The following KLRG1 variants were observed in gnomAD, a reference collection of about 807,000 sequenced individuals.
The protein encoded by KLRG1 is killer cell lectin like receptor G1, also known as killer cell lectin-like receptor subfamily G member 1.
A neutral mutation model predicts 21.8 loss-of-function variants in KLRG1; 16 were observed. The observed-to-expected ratio is 0.73, with a 90% CI of 0.50 to 1.11. The LOEUF is 1.11. Ranked by LOEUF, KLRG1 falls within the 50% of genes most tolerant of loss-of-function variation. The probability of loss-of-function intolerance (pLI) is 0.00; values close to 1 mark genes in which losing one functional copy is unlikely to be tolerated. For missense variants in KLRG1, 173 were observed against 218.3 expected (o/e 0.79, Z 1.31); for synonymous variants, 69 against 75.9 (o/e 0.91, Z 0.47).
At chr12:9,200,520 T>A in the KLRG1 span, 72 of 1,223,334 alleles carry the variant, frequency 5.9e-5, no homozygotes, top group Non-Finnish European at 8.0e-5. Flanking sequence ...TTTCAGTATG[T>A]CTATAATTTT....
intron 3 of KLRG1, among the ~76,000 whole-genome samples, chr12:9,008,074 A>G (rs192378123): frequency 1.4e-3 from 212 of 152,314 alleles, no homozygotes; most frequent in African/African-American, 4.7e-3. Flanking sequence ...TGGTGTAGCC[A>G]ATTTACCTTT....
the KLRG1 span, among the ~76,000 whole-genome samples, chr12:9,138,965 T>G: frequency 6.6e-6 from 1 of 152,032 alleles, no homozygotes; most frequent in Non-Finnish European, 1.5e-5. Flanking sequence ...TTTCTTTCTC[T>G]GCTAATTTTG....
rs887047347 is a variant in KLRG1 at position 8,980,495 on chromosome 12, C to T, written c.-155-11711C>T. On this transcript the variant is annotated intron_variant, in intron 1 of 4. Transcript: ENST00000539240. The stretch of plus-strand genomic sequence containing the variant: ...TTATAGGCTTGCAGTGGTGTCAATG[C>T]GTTTGAAACAGCAGTCACCTCTTAC... Among the ~76,000 whole-genome samples the T allele has an allele frequency of 6.6e-5, 10 of 152,220 alleles. No individual in the cohort carries two copies. In the East Asian group the frequency reaches 1.5e-3, roughly 24 times the overall value.
At chr12:9,190,681 C>G in the KLRG1 span, among the ~76,000 whole-genome samples, 1 of 151,898 alleles carries the variant, frequency 6.6e-6, no homozygotes, top group Non-Finnish European at 1.5e-5. Context: ...GAACATGAAC[C>G]CTTCAAACCT....
chr12:9,140,263 TA>T, the KLRG1 span, among the ~76,000 whole-genome samples: 99 of 152,186 alleles, frequency 6.5e-4, no homozygotes, highest in Non-Finnish European at 7.9e-4. Flanking sequence ...GGCATAGTAG[TA>T]GGGGGGGGCC....
the KLRG1 span, chr12:9,093,467 T>C: frequency 1.2e-6 from 2 of 1,612,224 alleles, no homozygotes; most frequent in Non-Finnish European, 8.5e-7. Context: ...TTACTTACTT[T>C]ACCACCACCA....
chr12:8,980,772 G>A (rs996808281), intron 1 of KLRG1, among the ~76,000 whole-genome samples: 6 of 152,168 alleles, frequency 3.9e-5, no homozygotes, highest in African/African-American at 1.4e-4. Flanking sequence ...TCCATCGGCT[G>A]GTGTCAGCAT....
chr12:9,209,094 G>C, the KLRG1 span, among the ~76,000 whole-genome samples: 1 of 151,438 alleles, frequency 6.6e-6, no homozygotes, highest in Non-Finnish European at 1.5e-5. Context: ...GTGCTATTCT[G>C]GTGATGAAAA....
the KLRG1 span, among the ~76,000 whole-genome samples, chr12:9,117,938 C>T: frequency 6.6e-6 from 1 of 151,772 alleles, no homozygotes; most frequent in Admixed American, 6.6e-5. Context: ...TTTATACTTA[C>T]AACATAGATC....
At chr12:9,065,988 A>G in the KLRG1 span, 2 of 152,310 alleles carry the variant, frequency 1.3e-5, no homozygotes, top group South Asian at 4.1e-4. Flanking sequence ...TTCTGCTAGA[A>G]GCTGAACACT....
At position 9,008,604 on chromosome 12, in the gene KLRG1, A is replaced by T. The variant is rs760653803; in HGVS notation, c.358-371A>T. 4.3e-3 allele frequency among the ~76,000 whole-genome samples: 659 copies of T among 152,238 alleles called. 4 individuals are homozygous for T. Among genetic ancestry groups the T allele is most frequent in the African/African-American group, 0.015 (621 of 41,552 alleles). ...CAAGGTTCTCTGGCTCCTGGTGAGG[A>T]CCTACTTCTGGCTTGCACATGGCTG... On this transcript the variant is annotated intron_variant, in intron 3 of 4. Transcript: ENST00000356986.
chr12:9,120,052 G>T, the KLRG1 span, among the ~76,000 whole-genome samples: 7 of 152,118 alleles, frequency 4.6e-5, no homozygotes, highest in East Asian at 1.3e-3. Context: ...CACCTTAATG[G>T]GGTAGTTTCA....
intron 1 of KLRG1, among the ~76,000 whole-genome samples, chr12:8,969,832 G>C (rs1946538228): frequency 6.6e-6 from 1 of 152,142 alleles, no homozygotes; most frequent in Admixed American, 6.5e-5. Flanking sequence ...GCATACTAAG[G>C]GCTGGGCATG....
chr12:9,086,345 C>A, the KLRG1 span, among the ~76,000 whole-genome samples: 1 of 152,142 alleles, frequency 6.6e-6, no homozygotes, highest in African/African-American at 2.4e-5. Context: ...CTGGGGAACA[C>A]AGCAAAAGCT....
intron 1 of KLRG1, among the ~76,000 whole-genome samples, chr12:8,956,562 C>T (rs766405679): frequency 3.9e-5 from 6 of 152,294 alleles, no homozygotes; most frequent in Non-Finnish European, 5.9e-5. Flanking sequence ...TCTCCTGCCT[C>T]AGCCTCCTGA....
At chr12:8,992,374 C>G in intron 2 of KLRG1, 64 bp downstream of exon 2, 1 of 1,180,854 alleles carries the variant, frequency 8.5e-7, no homozygotes. Context: ...TATAACATAG[C>G]AGAAGCTTTG....
the KLRG1 span, among the ~76,000 whole-genome samples, chr12:9,043,416 G>C: frequency 6.6e-6 from 1 of 152,258 alleles, no homozygotes; most frequent in African/African-American, 2.4e-5. Context: ...TTCGGGTTGA[G>C]ATATCTTGTC....
At chr12:9,128,010 G>C in the KLRG1 span, 1 of 272,758 alleles carries the variant, frequency 3.7e-6, no homozygotes, top group Non-Finnish European at 7.4e-6. Context: ...GTCTGAGATG[G>C]AGCAGTCTCT....
At chr12:9,098,567 G>C in the KLRG1 span, 1 of 1,562,186 alleles carries the variant, frequency 6.4e-7, no homozygotes, top group Non-Finnish European at 8.7e-7. Flanking sequence ...TGAGCCCCTG[G>C]CACGGCCCTT....
Sources: allele counts gnomAD v4.1 joint callset (sites outside exome capture counted in the v4.1 genomes callset), GRCh38; gene constraint gnomAD v4.1.1; transcripts MANE v1.5; gene names NCBI Gene and HGNC (gene_info 2026-07-23, HGNC 2026-07-21).